The following OR4Q3 variants were observed in gnomAD, a reference collection of about 807,000 sequenced individuals.
OR4Q3 encodes olfactory receptor 4Q3.
In OR4Q3, 17 loss-of-function variants were observed where a neutral mutation model predicts 18.8. The observed-to-expected ratio is 0.91, with a 90% CI of 0.62 to 1.36. OR4Q3 has a LOEUF of 1.36. Among genes scored for constraint, OR4Q3 ranks in the 40% most tolerant of loss-of-function variants. OR4Q3 has a pLI of 0.00. For synonymous variants in OR4Q3, 158 were observed against 145.8 expected, an observed-to-expected ratio of 1.08 and a Z score of -0.60; for missense variants, 378 against 373.4, an observed-to-expected ratio of 1.01 and a Z score of -0.10.
exon 2 of OR4Q3, chr14:19,748,137 T>A: frequency 6.2e-7 from 1 of 1,614,092 alleles, no homozygotes; most frequent in South Asian, 1.1e-5. Flanking sequence ...CAGAACAAGG[T>A]CTTCTCTACC....
chr14:19,748,538 C>T, exon 2 of OR4Q3: 2 of 603,234 alleles, frequency 3.3e-6, no homozygotes, highest in Admixed American at 6.7e-5. Context: ...AGGTGGCACT[C>T]TAGAAAGCCA....
intron 1 of OR4Q3, 82 bp from the exon 2 acceptor site, chr14:19,747,324 A>T: frequency 1.7e-6 from 1 of 582,974 alleles, no homozygotes; most frequent in South Asian, 7.3e-5. Context: ...TATGTAATTT[A>T]TATATTATAT....
downstream of OR4Q3, chr14:19,749,568 C>A: frequency 2.6e-5 from 3 of 116,194 alleles, no homozygotes; most frequent in South Asian, 7.7e-4. Context: ...CACTGCACTC[C>A]AGCCTGGGCA....
At chr14:19,749,443 A>G in exon 2 of OR4Q3, 1 of 152,596 alleles carries the variant, frequency 6.6e-6, no homozygotes, top group African/African-American at 2.4e-5. Context: ...TACTAAAAAT[A>G]CAAAATTAGC....
chr14:19,748,680 AT>A, exon 2 of OR4Q3: 1 of 302,500 alleles, frequency 3.3e-6, no homozygotes, highest in Non-Finnish European at 6.1e-6. Context: ...CATTTATTCA[AT>A]TTTTTCCACT....
chr14:19,743,785 T>C (rs908939156), intron 1 of OR4Q3, 114 bp downstream of exon 1: 7 of 150,614 alleles, frequency 4.6e-5, no homozygotes, highest in African/African-American at 1.5e-4. Context: ...TACTCTGGCA[T>C]TGATCATTTT....
At chr14:19,744,029 C>T (rs1308031521) in intron 1 of OR4Q3, among the ~76,000 whole-genome samples, 1 of 151,986 alleles carries the variant, frequency 6.6e-6, no homozygotes, top group Non-Finnish European at 1.5e-5. Context: ...TTCTGTTTTC[C>T]ATTTCTTTAA....
chr14:19,746,440 T>C, intron 1 of OR4Q3, among the ~76,000 whole-genome samples: 1 of 152,184 alleles, frequency 6.6e-6, no homozygotes, highest in Non-Finnish European at 1.5e-5. Flanking sequence ...TCTATGGTTG[T>C]TGAAAAGTCC....
At chr14:19,744,425 C>A (rs1467044662) in intron 1 of OR4Q3, among the ~76,000 whole-genome samples, 1 of 152,130 alleles carries the variant, frequency 6.6e-6, no homozygotes, top group Non-Finnish European at 1.5e-5. Flanking sequence ...GCACAAGTAC[C>A]AGGAGAAAAA....
chr14:19,746,380 GA>G, intron 1 of OR4Q3, among the ~76,000 whole-genome samples: 2 of 151,858 alleles, frequency 1.3e-5, no homozygotes, highest in African/African-American at 4.8e-5. Flanking sequence ...TAGAGCAGGG[GA>G]AAATGGATCT....
chr14:19,747,907 G>T lies in OR4Q3; in HGVS notation c.504G>T (p.Gln168His). 1.6e-4 allele frequency: 265 copies of T among 1,613,788 alleles called. 1 individual carries two copies. In the East Asian group the frequency reaches 5.8e-3, roughly 35 times the overall value. Residue 168 changes from glutamine to histidine, a missense_variant, in exon 2 of 2, where the codon CAG becomes CAT. Gln to His is a conservative substitution (Grantham distance 24, BLOSUM62 0). Coordinates refer to ENST00000642117, the Ensembl canonical transcript of OR4Q3. Reference sequence around the variant, plus strand: ...GGGGTTTTATCCACTCTATCATGCAGGTCATACTAGTCATCCAGCTGCCTT... The same window carrying T: ...GGGGTTTTATCCACTCTATCATGCATGTCATACTAGTCATCCAGCTGCCTT...
At position 19,748,645 on chromosome 14, in the gene OR4Q3, T is replaced by TATC; in HGVS notation, c.*277_*279dup. On this transcript the variant is annotated 3_prime_UTR_variant, in exon 2 of 2. Coordinates refer to ENST00000642117, the Ensembl canonical transcript of OR4Q3. ...GCATTAATTGAAAGATCAACTTTTCTATCTTTATGTCTCTAAGTACTGTTC... is the reference window on the plus strand; with the variant it reads ...GCATTAATTGAAAGATCAACTTTTCTATCATCTTTATGTCTCTAAGTACTGTTC... The TATC allele has an allele frequency of 1.2e-5, 5 of 434,232 alleles. No homozygotes were observed. In the Admixed American group the frequency reaches 2.0e-4, roughly 17 times the overall value. 26.9% of individuals were successfully genotyped at this position (434,232 alleles called of 1,614,324 possible).
downstream of OR4Q3, among the ~76,000 whole-genome samples, chr14:19,751,780 T>TTA: frequency 2.0e-5 from 3 of 152,098 alleles, no homozygotes; most frequent in Non-Finnish European, 4.4e-5. Flanking sequence ...ATCTTTTTTT[T>TTA]TATTTTTTAA....
intron 1 of OR4Q3, among the ~76,000 whole-genome samples, chr14:19,745,781 G>A: frequency 6.6e-6 from 1 of 152,206 alleles, no homozygotes; most frequent in Admixed American, 6.5e-5. Flanking sequence ...CTCAAGTGAG[G>A]CTGTACATGT....
At chr14:19,749,957 TTC>T, downstream of OR4Q3, among the ~76,000 whole-genome samples, 35 of 149,246 alleles carry the variant, frequency 2.3e-4, no homozygotes, top group South Asian at 1.3e-3. Context: ...CTCTTTTTCT[TTC>T]TCTCTCTTTC....
chr14:19,748,543 A>G, exon 2 of OR4Q3: 1 of 588,278 alleles, frequency 1.7e-6, no homozygotes, highest in Non-Finnish European at 2.9e-6. Flanking sequence ...GCACTCTAGA[A>G]AGCCACCTAT....
chr14:19,748,716 GAT>G, exon 2 of OR4Q3: 1 of 232,106 alleles, frequency 4.3e-6, no homozygotes, highest in African/African-American at 2.3e-5. Flanking sequence ...AATGAAAGAA[GAT>G]ATATCTCTTT....
Position 19,747,923 on chromosome 14 carries a change from C to T in OR4Q3, c.520C>T (p.Gln174Ter). 2 of 1,614,034 alleles carry T rather than the reference C, an allele frequency of 1.2e-6. No homozygotes were observed. The highest frequency in any genetic ancestry group is 2.2e-5 in the South Asian group (2 of 91,090). ...TATCATGCAGGTCATACTAGTCATC[C>T]AGCTGCCTTTCTGTGGGCCCAATGA... The change falls in exon 2 of 2, where the codon CAG becomes TAG. Residue 174 changes from glutamine to a stop codon, truncating the protein, a stop_gained. Coordinates refer to ENST00000642117, the Ensembl canonical transcript of OR4Q3. LOFTEE classifies it high-confidence loss of function.
chr14:19,743,851 A>C (rs1395504500), intron 1 of OR4Q3, among the ~76,000 whole-genome samples, 180 bp downstream of exon 1: 2 of 152,164 alleles, frequency 1.3e-5, no homozygotes, highest in East Asian at 3.8e-4. Flanking sequence ...AGAAACATTC[A>C]CAGAACAGTG....
Sources: gnomAD v4.1 joint callset for allele counts (sites outside exome capture counted in the v4.1 genomes callset) on GRCh38, gnomAD v4.1.1 for gene constraint, MANE v1.5 for transcripts, NCBI Gene and HGNC (gene_info 2026-07-23, HGNC 2026-07-21) for gene names.